The following RAB35 variants were observed in gnomAD, a reference collection of about 807,000 sequenced individuals.
RAB35 encodes the protein RAB35, member RAS oncogene family.
RAB35 carries 4 observed loss-of-function variants against 28.9 expected under a neutral mutation model. The observed-to-expected ratio is 0.14, with a 90% CI of 0.07 to 0.32. The LOEUF is 0.32. Among genes scored for constraint, RAB35 ranks in the 10% least tolerant of loss-of-function variants. The pLI is 1.00. For missense variants in RAB35, 128 were observed against 274.0 expected (o/e 0.47, Z 3.76); for synonymous variants, 99 against 105.1 (o/e 0.94, Z 0.35).
intron 2 of RAB35, among the ~76,000 whole-genome samples, chr12:120,106,619 G>T (rs1875891022): frequency 7.3e-6 from 1 of 137,808 alleles, no homozygotes; most frequent in African/African-American, 2.7e-5. Context: ...TTGAGACGGA[G>T]TCTCACTCTG....
intron 1 of RAB35, among the ~76,000 whole-genome samples, chr12:120,112,921 G>A (rs531822402): frequency 9.1e-5 from 13 of 143,530 alleles, no homozygotes; most frequent in East Asian, 4.0e-4. Context: ...ATGAAGTCTC[G>A]CTCTTGTCCC....
chr12:120,098,683 G>T, intron 5 of RAB35, 128 bp downstream of exon 5: 1 of 1,323,132 alleles, frequency 7.6e-7, no homozygotes, highest in Non-Finnish European at 1.0e-6. Context: ...CTGGCACATA[G>T]TAGGCACTCA....
At chr12:120,111,545 G>T (rs1876118237) in intron 1 of RAB35, among the ~76,000 whole-genome samples, 1 of 152,128 alleles carries the variant, frequency 6.6e-6, no homozygotes, top group Non-Finnish European at 1.5e-5. Flanking sequence ...GCCGGGCGTG[G>T]TGGTGCGTGC....
chr12:120,098,209 A>G (rs1396057164), intron 5 of RAB35, among the ~76,000 whole-genome samples: 1 of 152,218 alleles, frequency 6.6e-6, no homozygotes. Flanking sequence ...GACATGACAG[A>G]TGAAAGTGCC....
At chr12:120,108,816 C>G (rs1023764806) in intron 1 of RAB35, 2 of 430,416 alleles carry the variant, frequency 4.6e-6, no homozygotes, top group Non-Finnish European at 8.9e-6. Context: ...AAACGGCCCC[C>G]AAGTGCGTCT....
chr12:120,116,522 G>A (rs1876346266), intron 1 of RAB35, 77 bp downstream of exon 1: 1 of 698,482 alleles, frequency 1.4e-6, no homozygotes, highest in African/African-American at 1.9e-5. Context: ...GCACCTCCCC[G>A]CCCGCCTGCC....
At chr12:120,106,387 T>G (rs1035969555) in intron 2 of RAB35, among the ~76,000 whole-genome samples, 1 of 152,142 alleles carries the variant, frequency 6.6e-6, no homozygotes, top group Non-Finnish European at 1.5e-5. Flanking sequence ...AACAACCCCA[T>G]GGGGAAAGGA....
chr12:120,104,482 A>G (rs1875789725), intron 2 of RAB35, among the ~76,000 whole-genome samples: 1 of 152,236 alleles, frequency 6.6e-6, no homozygotes, highest in Non-Finnish European at 1.5e-5. Flanking sequence ...CTGCCGCCCA[A>G]GGCAGGCAGA....
At chr12:120,116,488 C>A in intron 1 of RAB35, 111 bp downstream of exon 1, 1 of 699,790 alleles carries the variant, frequency 1.4e-6, no homozygotes, top group Non-Finnish European at 1.7e-6. Context: ...CGGGCTGCCC[C>A]GCCCGCCCGC....
rs199629313 is a variant in RAB35, at chr12:120,097,382, A to G, written c.478-9T>C. The G allele has an allele frequency of 6.4e-5, 102 of 1,605,736 alleles. 1 individual carries two copies. In the African/African-American group the frequency reaches 1.1e-3, roughly 18 times the overall value. On this transcript the variant is annotated splice_polypyrimidine_tract_variant and intron_variant, in intron 5 of 5. Coordinates refer to ENST00000229340, the MANE Select transcript of RAB35 (RefSeq NM_006861.7). ...GTGATGCAGTTGAACATCTGTGGAGAGGAAAGAGGAAGGGCCCGCCTCAGA... is the reference window on the plus strand; with the variant it reads ...GTGATGCAGTTGAACATCTGTGGAGGGGAAAGAGGAAGGGCCCGCCTCAGA...
chr12:120,114,318 C>T (rs1029751698), intron 1 of RAB35, among the ~76,000 whole-genome samples: 2 of 152,256 alleles, frequency 1.3e-5, no homozygotes, highest in Middle Eastern at 3.2e-3. Context: ...GTCTCAAACT[C>T]CTGTCTTCAG....
At chr12:120,097,884 T>C (rs1875491655) in intron 5 of RAB35, among the ~76,000 whole-genome samples, 1 of 148,284 alleles carries the variant, frequency 6.7e-6, no homozygotes, top group African/African-American at 2.5e-5. Flanking sequence ...GGAATCTTTT[T>C]TTTTTTTTTT....
rs1418410529 is a variant in RAB35 at position 120,096,666 on chromosome 12, A to T, written c.*579T>A. 1 of 1,289,752 alleles carries T rather than the reference A, an allele frequency of 7.8e-7. No homozygotes were observed. Among genetic ancestry groups the T allele is most frequent in the East Asian group, 5.5e-5 (1 of 18,042 alleles). The allele number at this position is 1,289,752 out of a possible 1,614,324, so 79.9% of individuals were successfully genotyped here. On this transcript the variant is annotated 3_prime_UTR_variant, in exon 6 of 6. Coordinates refer to ENST00000229340, the MANE Select transcript of RAB35 (RefSeq NM_006861.7). ...CTCCCAGAATGGCTGTGGGGACAGG[A>T]CAACGGGGAGGGAAGGGAGCTGGCA...
At chr12:120,108,324 A>G in intron 2 of RAB35, 93 bp downstream of exon 2, 1 of 1,323,508 alleles carries the variant, frequency 7.6e-7, no homozygotes, top group Non-Finnish European at 1.1e-6. Context: ...AGTTCCCAAC[A>G]TCAGGCAGAG....
At position 120,108,406 on chromosome 12, in the gene RAB35, G is replaced by C; in HGVS notation, c.103+11C>G. Reference sequence around the variant, plus strand: ...AACGACACCCCAGCAGCACTGCAGGGGAGGACTCACCTGAGAAAGTGTTGT... The same window carrying C: ...AACGACACCCCAGCAGCACTGCAGGCGAGGACTCACCTGAGAAAGTGTTGT... On this transcript the variant is annotated intron_variant, in intron 2 of 5. Transcript: ENST00000229340. 6.2e-7 allele frequency: 1 copy of C among 1,610,578 alleles called. No individual in the cohort carries two copies.
chr12:120,099,385 G>C, intron 3 of RAB35: 2 of 594,408 alleles, frequency 3.4e-6, no homozygotes, highest in Non-Finnish European at 5.9e-6. Context: ...AGGGCGGGAG[G>C]GCCAGCCCCT....
Position 120,097,026 on chromosome 12 carries a change from G to A in RAB35, c.*219C>T, listed in dbSNP as rs751322390. 6 of 1,516,916 alleles carry A rather than the reference G, an allele frequency of 4.0e-6. No homozygotes were observed. The East Asian group carries it at 1.5e-4, about 39-fold the overall frequency. The allele number at this position is 1,516,916 out of a possible 1,614,324, so 94.0% of individuals were successfully genotyped here. A position where few individuals can be genotyped will look rare whatever the true frequency, so the allele number is the denominator to read the frequency against. ...GCCAGGTCCAGGCGCCTTGGCCGGG[G>A]AGGAGGGGGCACCAGTAGGGAAGGG... is the stretch of plus-strand genomic sequence containing the variant. On this transcript the variant is annotated 3_prime_UTR_variant, in exon 6 of 6. Transcript: ENST00000229340.
chr12:120,108,919 T>A (rs933814740), intron 1 of RAB35, among the ~76,000 whole-genome samples: 17 of 152,350 alleles, frequency 1.1e-4, no homozygotes, highest in Admixed American at 9.8e-4. Flanking sequence ...GAAAGGACCC[T>A]TGAGATCATC....
At chr12:120,107,942 C>T (rs1594243476) in intron 2 of RAB35, among the ~76,000 whole-genome samples, 1 of 149,778 alleles carries the variant, frequency 6.7e-6, no homozygotes, top group South Asian at 2.1e-4. Flanking sequence ...GAAAACACAA[C>T]CAGAAGTCAG....
Sources: allele counts gnomAD v4.1 joint callset (sites outside exome capture counted in the v4.1 genomes callset), GRCh38; gene constraint gnomAD v4.1.1; transcripts MANE v1.5; gene names NCBI Gene and HGNC (gene_info 2026-07-23, HGNC 2026-07-21).